Variants in SZT2 observed in about 807,000 individuals in gnomAD.
The protein encoded by SZT2 is SZT2 subunit of KICSTOR complex.
A neutral mutation model predicts 404.2 loss-of-function variants in SZT2; 216 were observed. The observed-to-expected ratio is 0.53, with a 90% CI of 0.48 to 0.60. The LOEUF (loss-of-function observed/expected upper bound fraction) is 0.60, where lower values mean the gene tolerates loss of function less well. Ranked by LOEUF, SZT2 falls within the 20% of genes least tolerant of loss-of-function variation. SZT2 has a pLI of 0.00. For missense variants in SZT2, 3,857 were observed against 4,459.2 expected, an observed-to-expected ratio of 0.86 and a Z score of 3.85; for synonymous variants, 1,693 against 1,749.9, an observed-to-expected ratio of 0.97 and a Z score of 0.81.
Position 43,442,148 on chromosome 1 carries a change from G to A in SZT2, c.7873+18G>A. 1.3e-6 allele frequency: 2 copies of A among 1,597,202 alleles called. No homozygotes were observed. The highest frequency in any genetic ancestry group is 1.7e-6 in the Non-Finnish European group (2 of 1,166,722). The stretch of plus-strand genomic sequence containing the variant: ...ACAGCAGGGTGAGGGCATGGCCCGG[G>A]GGGGCGGGGGGCGGGTAGGCTAAGA... On this transcript the variant is annotated intron_variant, in intron 56 of 71. Transcript: ENST00000634258. This position sits in a 1 kb window ranked among gnomAD's most constrained non-coding sequence, Gnocchi z 4.5.
chr1:43,403,324 G>A, intron 2 of SZT2, 22 bp downstream of exon 2: 1 of 1,607,764 alleles, frequency 6.2e-7, no homozygotes, highest in South Asian at 1.1e-5. Flanking sequence ...ACACACGAAA[G>A]GTGTGAGGGG....
chr1:43,435,059 C>T, intron 41 of SZT2, 141 bp from the exon 42 acceptor site: 1 of 1,004,420 alleles, frequency 1.0e-6, no homozygotes, highest in South Asian at 1.6e-5. Context: ...GCTTTGACCT[C>T]TCTGTGATGA....
At position 43,426,015 on chromosome 1, in the gene SZT2, G is replaced by A. The variant is rs750176314; in HGVS notation, c.2930-23G>A. The A allele has an allele frequency of 6.2e-7, 1 of 1,613,680 alleles. No individual in the cohort carries two copies. Among genetic ancestry groups the A allele is most frequent in the Admixed American group, 1.7e-5 (1 of 60,030 alleles). On this transcript the variant is annotated intron_variant, in intron 20 of 71. Coordinates refer to ENST00000634258, the MANE Select transcript of SZT2 (RefSeq NM_001365999.1). This position sits in a 1 kb window ranked among gnomAD's most constrained non-coding sequence, Gnocchi z 4.9. ...GGTAGGGTAATCTGCGTCTCACTGTGTCCTGTCCTTCCTCCCTCGTAGGAT... is the reference window on the plus strand; with the variant it reads ...GGTAGGGTAATCTGCGTCTCACTGTATCCTGTCCTTCCTCCCTCGTAGGAT...
Position 43,442,603 on chromosome 1 carries a change from C to T in SZT2, c.8136C>T (p.Pro2712=), listed in dbSNP as rs2275098. Residue 2712 remains proline (P), a synonymous_variant, in exon 58 of 72, where the codon CCC becomes CCT. Transcript: ENST00000634258. This position sits in a 1 kb window ranked among gnomAD's most constrained non-coding sequence, Gnocchi z 4.5. ...ATCATTATGGCCAGTTGGACTTCCC[C>T]GTGCGAGATGAAAAGGTGCCTGCTG... The part of the protein sequence containing the change: ...LFHHYGQLDF[P]VRDEKEPNPF... 1.1e-3 allele frequency: 1,719 copies of T among 1,604,230 alleles called. 27 individuals carry two copies. The East Asian group carries it at 0.032, about 30-fold the overall frequency.
In SZT2 at chr1:43,442,725, G is replaced by A. The variant is rs553479516; in HGVS notation, c.8152-94G>A. On this transcript the variant is annotated intron_variant, in intron 58 of 71. Coordinates refer to ENST00000634258, the MANE Select transcript of SZT2 (RefSeq NM_001365999.1). The surrounding 1 kb of genome is among the most constrained non-coding windows in gnomAD (Gnocchi z 4.5). ...ATGGGACAGACTGAGGGCAGAGGTA[G>A]TGGGGAGGGAGAGTCTGAGAGAGGA... 32 of 1,535,202 alleles carry A rather than the reference G, an allele frequency of 2.1e-5. No individual in the cohort carries two copies. The highest frequency in any genetic ancestry group is 4.1e-5 in the African/African-American group (3 of 72,954).
rs1652363155 is a variant in SZT2 at position 43,421,535 on chromosome 1, CA to C, written c.1626+233del. Among the ~76,000 whole-genome samples, 3 of 152,330 alleles carry C rather than the reference CA, an allele frequency of 2.0e-5. No individual in the cohort carries two copies. The South Asian group carries it at 6.2e-4, about 32-fold the overall frequency. ...AGCACAGGTGGCAGAGGCAAAGACTCACACAGTGTCTAGGTGGTGGTATCCC... is the reference window on the plus strand; with the variant it reads ...AGCACAGGTGGCAGAGGCAAAGACTCCACAGTGTCTAGGTGGTGGTATCCC... On this transcript the variant is annotated intron_variant, in intron 11 of 71. Transcript: ENST00000634258.
intron 1 of SZT2, among the ~76,000 whole-genome samples, chr1:43,391,860 TCACGAGGTCAGG>T (rs1323230524): frequency 0.028 from 546 of 19,784 alleles, 224 homozygotes; most frequent in Middle Eastern, 0.13. Flanking sequence ...GGCGGGCGGA[TCACGAGGTCAGG>T]AGATCGAGAC....
At chr1:43,430,422 C>A in intron 31 of SZT2, 33 bp downstream of exon 31, 1 of 1,603,074 alleles carries the variant, frequency 6.2e-7, no homozygotes, top group Non-Finnish European at 8.5e-7. Flanking sequence ...GTGGGGAAGG[C>A]TGGCTGCTTC....
In SZT2 at chr1:43,453,341, C is replaced by T. The variant is rs1210651829; in HGVS notation, c.*2861C>T. 7.8e-7 allele frequency: 1 copy of T among 1,281,656 alleles called. No individual in the cohort carries two copies. The highest frequency in any genetic ancestry group is 1.7e-5 in the African/African-American group (1 of 59,474). 79.4% of individuals were successfully genotyped at this position (1,281,656 alleles called of 1,614,324 possible). A position where few individuals can be genotyped will look rare whatever the true frequency, so the allele number is the denominator to read the frequency against. On this transcript the variant is annotated 3_prime_UTR_variant, in exon 72 of 72. Coordinates refer to ENST00000634258, the MANE Select transcript of SZT2 (RefSeq NM_001365999.1). The stretch of plus-strand genomic sequence containing the variant: ...CGTCCTCGACTCCCTGAACCTGCAT[C>T]AGGGTCATGGGTCACAGGGGTGGGG...
Position 43,442,392 on chromosome 1 carries a change from G to C in SZT2, c.7974+24G>C. On this transcript the variant is annotated intron_variant, in intron 57 of 71. Transcript: ENST00000634258. The surrounding 1 kb of genome is among the most constrained non-coding windows in gnomAD (Gnocchi z 4.5). Reference sequence around the variant, plus strand: ...AGGTAAATATGGGGCCAGGGACTGGGTGGGAAGAGGGGTTCCGTGATCTCA... The same window carrying C: ...AGGTAAATATGGGGCCAGGGACTGGCTGGGAAGAGGGGTTCCGTGATCTCA... 1.9e-6 allele frequency: 3 copies of C among 1,613,222 alleles called. No homozygotes were observed. Among genetic ancestry groups the C allele is most frequent in the Non-Finnish European group, 2.5e-6 (3 of 1,179,496 alleles).
intron 51 of SZT2, 89 bp downstream of exon 51, chr1:43,440,137 T>C: frequency 2.6e-6 from 4 of 1,549,152 alleles, no homozygotes; most frequent in African/African-American, 1.4e-5. Context: ...AGGTGGGGTT[T>C]AGGGGAAGCA....
In SZT2 at chr1:43,431,765, G is replaced by T. The variant is rs1275717817; in HGVS notation, c.5138G>T (p.Gly1713Val). 1 of 1,614,216 alleles carries T rather than the reference G, an allele frequency of 6.2e-7. No individual in the cohort carries two copies. Among genetic ancestry groups the T allele is most frequent in the Admixed American group, 1.7e-5 (1 of 60,034 alleles). Residue 1713 changes from glycine (G) to valine (V), a missense_variant, in exon 36 of 72, where the codon GGC becomes GTC. Gly to Val is a moderately radical substitution (Grantham distance 109). This residue lies in a region of SZT2 where 1,725 missense variants were observed against 1,881.0 expected (regional missense o/e 0.92). Transcript: ENST00000634258. ...DEMVGALRRG[G>V]IPQSPALHRA... ...ATGGTGGGGGCACTCCGAAGAGGGGGCATCCCACAGAGTCCTGCCCTGCAC... is the reference window on the plus strand; with the variant it reads ...ATGGTGGGGGCACTCCGAAGAGGGGTCATCCCACAGAGTCCTGCCCTGCAC...
chr1:43,441,068 C>A lies in SZT2; in HGVS notation c.7345-146C>A. 2 of 1,008,796 alleles carry A rather than the reference C, an allele frequency of 2.0e-6. No homozygotes were observed. Among genetic ancestry groups the A allele is most frequent in the Non-Finnish European group, 2.9e-6 (2 of 682,552 alleles). The allele number at this position is 1,008,796 out of a possible 1,614,324, so 62.5% of individuals were successfully genotyped here. A position where few individuals can be genotyped will look rare whatever the true frequency, so the allele number is the denominator to read the frequency against. ...GGCTCAGGAAAGTTAGGTAACCTGC[C>A]CAAGGCTCCTTAGCCAGCCCCTGGG... is the stretch of plus-strand genomic sequence containing the variant. On this transcript the variant is annotated intron_variant, in intron 52 of 71. Transcript: ENST00000634258. This position sits in a 1 kb window ranked among gnomAD's most constrained non-coding sequence, Gnocchi z 4.8.
At chr1:43,397,179 C>T (rs1649094425) in intron 1 of SZT2, among the ~76,000 whole-genome samples, 1 of 152,086 alleles carries the variant, frequency 6.6e-6, no homozygotes, top group South Asian at 2.1e-4. Context: ...CACCTGTAAT[C>T]CCAGCACTTT....
chr1:43,425,339 C>T lies in SZT2; in HGVS notation c.2645+132C>T. On this transcript the variant is annotated intron_variant, in intron 18 of 71. Transcript: ENST00000634258. The surrounding 1 kb of genome is among the most constrained non-coding windows in gnomAD (Gnocchi z 4.3). ...AGGGAGGGGGTGCGGTGTTTAGATG[C>T]TTCATCAGGCAGACGCTGGTCTGGG... 6.7e-7 allele frequency: 1 copy of T among 1,502,936 alleles called. No individual in the cohort carries two copies. Among genetic ancestry groups the T allele is most frequent in the Non-Finnish European group, 9.1e-7 (1 of 1,096,672 alleles). 93.1% of individuals were successfully genotyped at this position (1,502,936 alleles called of 1,614,324 possible).
intron 41 of SZT2, 98 bp downstream of exon 41, chr1:43,434,583 C>A: frequency 9.2e-7 from 1 of 1,089,210 alleles, no homozygotes; most frequent in South Asian, 1.4e-5. Context: ...ATTTCAGAAT[C>A]AATAATTATG....
At chr1:43,444,070 G>A in intron 62 of SZT2, among the ~76,000 whole-genome samples, 1 of 152,132 alleles carries the variant, frequency 6.6e-6, no homozygotes, top group East Asian at 1.9e-4. Context: ...CACACATCTT[G>A]TACACTTACA....
chr1:43,453,901 ACG>A lies in SZT2; in HGVS notation c.*3422_*3423del. 1 of 1,216,504 alleles carries A rather than the reference ACG, an allele frequency of 8.2e-7. No homozygotes were observed. The highest frequency in any genetic ancestry group is 1.6e-5 in the African/African-American group (1 of 62,958). The allele number at this position is 1,216,504 out of a possible 1,614,324, so 75.4% of individuals were successfully genotyped here. A position where few individuals can be genotyped will look rare whatever the true frequency, so the allele number is the denominator to read the frequency against. On this transcript the variant is annotated 3_prime_UTR_variant, in exon 72 of 72. Coordinates refer to ENST00000634258, the MANE Select transcript of SZT2 (RefSeq NM_001365999.1). ...CTCTCCTTGCTGGCCCTGCGAACGA[ACG>A]AGCACTGTTCGTGGTTAGAAAAGCG... is the stretch of plus-strand genomic sequence containing the variant.
In SZT2 at chr1:43,441,080, A is replaced by AG; in HGVS notation, c.7345-133dup. ...TTAGGTAACCTGCCCAAGGCTCCTT[A>AG]GCCAGCCCCTGGGGAAGCCAGGGTC... On this transcript the variant is annotated intron_variant, in intron 52 of 71. Coordinates refer to ENST00000634258, the MANE Select transcript of SZT2 (RefSeq NM_001365999.1). This position sits in a 1 kb window ranked among gnomAD's most constrained non-coding sequence, Gnocchi z 4.8. 1 of 1,139,676 alleles carries AG rather than the reference A, an allele frequency of 8.8e-7. No homozygotes were observed. The highest frequency in any genetic ancestry group is 1.3e-6 in the Non-Finnish European group (1 of 798,798). 70.6% of individuals were successfully genotyped at this position (1,139,676 alleles called of 1,614,324 possible). A position where few individuals can be genotyped will look rare whatever the true frequency, so the allele number is the denominator to read the frequency against.
Sources: allele counts gnomAD v4.1 joint callset (sites outside exome capture counted in the v4.1 genomes callset), GRCh38; gene constraint gnomAD v4.1.1; regional missense constraint gnomAD v4.1.1; non-coding constraint Gnocchi (gnomAD v3.1); transcripts MANE v1.5; gene names NCBI Gene and HGNC (gene_info 2026-07-23, HGNC 2026-07-21).